UNC13B: variants seen among roughly 807,000 people sequenced by gnomAD.
UNC13B encodes unc-13 homolog B, also known as protein unc-13 homolog B.
In UNC13B, 144 loss-of-function variants were observed where a neutral mutation model predicts 211.0. The ratio of observed to expected loss-of-function variants is 0.68; its 90% CI spans 0.60 to 0.78. UNC13B has a LOEUF of 0.78. Among genes scored for constraint, UNC13B ranks in the 30% least tolerant of loss-of-function variants. The pLI, the probability that UNC13B is intolerant of heterozygous loss-of-function variation, is 0.00. For synonymous variants in UNC13B, 709 were observed against 725.8 expected (o/e 0.98, Z 0.37); for missense variants, 1,777 against 2,002.0 (o/e 0.89, Z 2.14).
chr9:35,164,784 C>CT (rs1820946827), intron 1 of UNC13B, among the ~76,000 whole-genome samples: 1 of 152,312 alleles, frequency 6.6e-6, no homozygotes, highest in South Asian at 2.1e-4. Context: ...TAACAGTCTA[C>CT]TTTTTTTGTT....
In UNC13B at chr9:35,399,438, C is replaced by T. The variant is rs1836132901; in HGVS notation, c.12245C>T (p.Ser4082Phe). 4 of 1,614,152 alleles carry T rather than the reference C, an allele frequency of 2.5e-6. No homozygotes were observed. Among genetic ancestry groups the T allele is most frequent in the Non-Finnish European group, 3.4e-6 (4 of 1,180,036 alleles). The change falls in exon 35 of 40, where the codon TCC becomes TTC. Residue 4082 changes from serine (S) to phenylalanine (F), a missense_variant. Transcript: ENST00000635942. ...FTAAKELSHLSKLKDHMVREE... is the reference protein window; with the variant it reads ...FTAAKELSHLFKLKDHMVREE... ...GCTGCCAAGGAGCTGAGCCATCTTT[C>T]CAAACTCAAGGTACTCTGGGTGTGG...
At position 35,181,549 on chromosome 9, in the gene UNC13B, C is replaced by T. The variant is rs867632846; in HGVS notation, c.22+19244C>T. Among the ~76,000 whole-genome samples, 54 of 152,254 alleles carry T rather than the reference C, an allele frequency of 3.5e-4. 1 individual carries two copies. Among genetic ancestry groups the T allele is most frequent in the South Asian group, 1.7e-3 (8 of 4,824 alleles). On this transcript the variant is annotated intron_variant, in intron 1 of 39. Transcript: ENST00000635942. ...GACAACTTTTTATATCAATGAAGAT[C>T]GATCTGGCCAGGTGCGGTGGCTCAT...
At chr9:35,333,174 T>G (rs1318231281) in intron 11 of UNC13B, among the ~76,000 whole-genome samples, 1 of 152,200 alleles carries the variant, frequency 6.6e-6, no homozygotes, top group Non-Finnish European at 1.5e-5. Flanking sequence ...AAAATAGCAT[T>G]AAAATACAGA....
chr9:35,179,134 C>T (rs986416477), intron 1 of UNC13B, among the ~76,000 whole-genome samples: 43 of 152,090 alleles, frequency 2.8e-4, no homozygotes, highest in African/African-American at 1.0e-3. Flanking sequence ...CAATACAATA[C>T]CAAATTAATT....
chr9:35,189,305 A>T (rs993065111), intron 1 of UNC13B, among the ~76,000 whole-genome samples: 40 of 152,334 alleles, frequency 2.6e-4, no homozygotes, highest in African/African-American at 9.4e-4. Context: ...TTAATTATGT[A>T]CCAGGTGTGG....
chr9:35,338,046 A>G (rs1260312502), intron 11 of UNC13B, among the ~76,000 whole-genome samples: 1 of 152,210 alleles, frequency 6.6e-6, no homozygotes, highest in Non-Finnish European at 1.5e-5. Context: ...GGATATATAT[A>G]TAAACAAATA....
intron 30 of UNC13B, 108 bp from the exon 31 acceptor site, chr9:35,398,103 T>G (rs1836008939): frequency 1.1e-6 from 1 of 927,672 alleles, no homozygotes; most frequent in Admixed American, 2.5e-5. Flanking sequence ...GAGAAACCTA[T>G]GTCATATGTG....
chr9:35,204,135 A>G (rs949557262), intron 1 of UNC13B, among the ~76,000 whole-genome samples: 1 of 152,206 alleles, frequency 6.6e-6, no homozygotes, highest in Admixed American at 6.5e-5. Flanking sequence ...TGCTTCAGAG[A>G]GTGTAAACTG....
intron 1 of UNC13B, among the ~76,000 whole-genome samples, chr9:35,205,155 T>C (rs1823569664): frequency 6.6e-6 from 1 of 152,202 alleles, no homozygotes; most frequent in South Asian, 2.1e-4. Context: ...TGTGAAGTGC[T>C]ATATCTCCCT....
intron 16 of UNC13B, among the ~76,000 whole-genome samples, chr9:35,378,012 C>T (rs12553623): frequency 0.17 from 25,092 of 151,760 alleles, 3,145 homozygotes; most frequent in African/African-American, 0.34. Context: ...CAGGGAGTAG[C>T]TAACCAGTGG....
chr9:35,195,212 T>C (rs1822871443), intron 1 of UNC13B, among the ~76,000 whole-genome samples: 1 of 152,188 alleles, frequency 6.6e-6, no homozygotes, highest in South Asian at 2.1e-4. Flanking sequence ...CCAGCATGTA[T>C]GTCTGCAGCT....
Position 35,314,006 on chromosome 9 carries a change from A to G in UNC13B, c.9414+17A>G. On this transcript the variant is annotated intron_variant, in intron 11 of 39. Coordinates refer to ENST00000635942, the MANE Select transcript of UNC13B (RefSeq NM_001371189.2). ...CTGCAGGAGGTAGGAAATCTGTTCT[A>G]GTACTGGTTGGGACAATTTTTCCTT... 1 of 1,605,494 alleles carries G rather than the reference A, an allele frequency of 6.2e-7. No homozygotes were observed.
At chr9:35,348,842 C>A (rs977278023) in intron 11 of UNC13B, among the ~76,000 whole-genome samples, 1 of 152,206 alleles carries the variant, frequency 6.6e-6, no homozygotes, top group African/African-American at 2.4e-5. Flanking sequence ...CTCTTGATGC[C>A]AGTCCAGTAG....
At chr9:35,348,199 G>A (rs564248683) in intron 11 of UNC13B, among the ~76,000 whole-genome samples, 1 of 152,334 alleles carries the variant, frequency 6.6e-6, no homozygotes, top group African/African-American at 2.4e-5. Context: ...AGTAGCAGGG[G>A]AGTCAGCTTC....
At chr9:35,272,218 T>G (rs1564106172) in intron 7 of UNC13B, among the ~76,000 whole-genome samples, 2 of 151,222 alleles carry the variant, frequency 1.3e-5, no homozygotes, top group Non-Finnish European at 2.9e-5. Flanking sequence ...TTTTGTTTTT[T>G]TTTTTGGTTG....
rs1434377036 is a variant in UNC13B at position 35,324,569 on chromosome 9, G to A, written c.9414+10580G>A. On this transcript the variant is annotated intron_variant, in intron 11 of 39. Transcript: ENST00000635942. ...AAAACTGTATTTGTGAAGGTCATCAGTGAGCTCCTAACTGATAACTTAGTG... is the reference window on the plus strand; with the variant it reads ...AAAACTGTATTTGTGAAGGTCATCAATGAGCTCCTAACTGATAACTTAGTG... 3.9e-5 allele frequency among the ~76,000 whole-genome samples: 6 copies of A among 152,300 alleles called. No individual in the cohort carries two copies. The East Asian group carries it at 7.7e-4, about 20-fold the overall frequency.
At chr9:35,261,146 G>T (rs1384713929) in intron 7 of UNC13B, among the ~76,000 whole-genome samples, 2 of 151,802 alleles carry the variant, frequency 1.3e-5, no homozygotes, top group African/African-American at 4.8e-5. Flanking sequence ...CCCTTTACTA[G>T]GTTCAGTGAC....
chr9:35,165,808 A>G (rs1467454821), intron 1 of UNC13B, among the ~76,000 whole-genome samples: 1 of 152,200 alleles, frequency 6.6e-6, no homozygotes, highest in African/African-American at 2.4e-5. Flanking sequence ...ATAAGTCTTT[A>G]ACATGTTTTG....
intron 11 of UNC13B, among the ~76,000 whole-genome samples, chr9:35,349,367 G>A (rs1468606363): frequency 1.3e-5 from 2 of 148,606 alleles, no homozygotes; most frequent in Non-Finnish European, 3.0e-5. Context: ...AAAAAAAAAA[G>A]GAGTATCTTT....
Sources: allele counts gnomAD v4.1 joint callset (sites outside exome capture counted in the v4.1 genomes callset), GRCh38; gene constraint gnomAD v4.1.1; transcripts MANE v1.5; gene names NCBI Gene and HGNC (gene_info 2026-07-23, HGNC 2026-07-21).